Variants in ZCCHC2 observed in about 807,000 individuals in gnomAD.
ZCCHC2 encodes zinc finger CCHC domain-containing protein 2.
Under a neutral mutation model 103.6 loss-of-function variants are expected in ZCCHC2, and 39 were observed. The observed-to-expected ratio is 0.38, with a 90% CI of 0.29 to 0.49. The LOEUF (loss-of-function observed/expected upper bound fraction) is 0.49. ZCCHC2 is among the 20% of genes least tolerant of loss of function. The probability of loss-of-function intolerance (pLI) is 0.96; values close to 1 mark genes in which losing one functional copy is unlikely to be tolerated. For missense variants in ZCCHC2, 1,483 were observed against 1,491.0 expected (o/e 0.99, Z 0.09); for synonymous variants, 687 against 608.9 (o/e 1.13, Z -1.89).
At position 62,523,394 on chromosome 18, in the gene ZCCHC2, C is replaced by CCCCCA; in HGVS notation, c.-31_-30insCCCCA. On this transcript the variant is annotated 5_prime_UTR_variant, in exon 1 of 14. Transcript: ENST00000269499. The stretch of plus-strand genomic sequence containing the variant: ...CCTCGCGGCCCCTCCCGCCCGCCCC[C>CCCCCA]GCTCGCATGTCTGCGCCGCCCTAGC... 1 of 1,029,698 alleles carries CCCCCA rather than the reference C, an allele frequency of 9.7e-7. No homozygotes were observed. The allele number at this position is 1,029,698 out of a possible 1,614,324, so 63.8% of individuals were successfully genotyped here.
At chr18:62,550,238 G>T in intron 4 of ZCCHC2, 110 bp from the exon 5 acceptor site, 1 of 802,052 alleles carries the variant, frequency 1.2e-6, no homozygotes, top group Non-Finnish European at 2.0e-6. Context: ...ACTGCTTTTG[G>T]GAAAATAATG....
intron 4 of ZCCHC2, among the ~76,000 whole-genome samples, chr18:62,548,830 C>G (rs1467256840): frequency 6.6e-6 from 1 of 152,124 alleles, no homozygotes; most frequent in Non-Finnish European, 1.5e-5. Flanking sequence ...GAGGCCAAGG[C>G]AGGAGAATCC....
In ZCCHC2 at chr18:62,578,112, T is replaced by A. The variant is rs1916929365; in HGVS notation, c.*1533T>A. 1 of 152,604 alleles carries A rather than the reference T, an allele frequency of 6.6e-6. No homozygotes were observed. Among genetic ancestry groups the A allele is most frequent in the Non-Finnish European group, 1.5e-5 (1 of 68,026 alleles). The allele number at this position is 152,604 out of a possible 1,614,324, so 9.5% of individuals were successfully genotyped here. A position where few individuals can be genotyped will look rare whatever the true frequency, so the allele number is the denominator to read the frequency against. On this transcript the variant is annotated 3_prime_UTR_variant, in exon 14 of 14. Coordinates refer to ENST00000269499, the MANE Select transcript of ZCCHC2 (RefSeq NM_017742.6). ...TTAATTTCATGCTTCATAAGTAGCATTTATATTTATAGCACCAATGTACAT... is the reference window on the plus strand; with the variant it reads ...TTAATTTCATGCTTCATAAGTAGCAATTATATTTATAGCACCAATGTACAT...
intron 1 of ZCCHC2, chr18:62,526,414 C>T (rs981526201): frequency 2.0e-5 from 3 of 152,302 alleles, no homozygotes; most frequent in Admixed American, 6.5e-5. Context: ...CGTAACACAT[C>T]ATTCACATCT....
At position 62,575,331 on chromosome 18, in the gene ZCCHC2, C is replaced by T. The variant is rs1301708403; in HGVS notation, c.3250C>T (p.Leu1084=). ...FLPQTPYANG[L]VHDPVMGSQA... ...GCCTCAGACTCCATATGCAAATGGA[C>T]TGGTACATGACCCAGTCATGGGGAG... The change falls in exon 13 of 14, where the codon CTG becomes TTG. Residue 1084 remains leucine, a synonymous_variant. Coordinates refer to ENST00000269499, the MANE Select transcript of ZCCHC2 (RefSeq NM_017742.6). 4.3e-6 allele frequency: 7 copies of T among 1,613,922 alleles called. No individual in the cohort carries two copies. The East Asian group carries it at 1.3e-4, about 31-fold the overall frequency.
chr18:62,562,866 C>CTTTTTT, intron 8 of ZCCHC2, 143 bp from the exon 9 acceptor site: 3 of 859,260 alleles, frequency 3.5e-6, no homozygotes, highest in Non-Finnish European at 5.3e-6. Flanking sequence ...TCATAGTATA[C>CTTTTTT]TTTTTTTTCT....
intron 1 of ZCCHC2, among the ~76,000 whole-genome samples, chr18:62,534,205 A>G (rs1381844963): frequency 2.0e-5 from 3 of 152,026 alleles, no homozygotes; most frequent in African/African-American, 4.8e-5. Flanking sequence ...TAGCTACTCA[A>G]GAGACGGAGG....
chr18:62,526,838 C>CCGGCGCGCCGG (rs1384635909), intron 1 of ZCCHC2: 1 of 151,746 alleles, frequency 6.6e-6, no homozygotes, highest in African/African-American at 2.4e-5. Context: ...TCCCACGTGA[C>CCGGCGCGCCGG]CGGCGCGCCG....
intron 2 of ZCCHC2, among the ~76,000 whole-genome samples, chr18:62,540,548 C>T (rs1270593224): frequency 6.6e-6 from 1 of 151,544 alleles, no homozygotes; most frequent in East Asian, 1.9e-4. Context: ...ATAATGACCA[C>T]TTCTATTCAA....
intron 12 of ZCCHC2, among the ~76,000 whole-genome samples, chr18:62,573,798 A>T (rs146922011): frequency 6.6e-6 from 1 of 152,176 alleles, no homozygotes; most frequent in African/African-American, 2.4e-5. Flanking sequence ...TTTGTTTTAT[A>T]CTATGTTTCA....
Position 62,576,545 on chromosome 18 carries a change from C to T in ZCCHC2, c.3503C>T (p.Pro1168Leu), listed in dbSNP as rs765195150. The T allele has an allele frequency of 6.2e-7, 1 of 1,613,840 alleles. No individual in the cohort carries two copies. The highest frequency in any genetic ancestry group is 8.5e-7 in the Non-Finnish European group (1 of 1,179,792). The change falls in exon 14 of 14, where the codon CCC becomes CTC. Residue 1168 changes from proline (P) to leucine (L), a missense_variant. Pro to Leu is a moderately conservative substitution (Grantham distance 98, BLOSUM62 -3). Coordinates refer to ENST00000269499, the MANE Select transcript of ZCCHC2 (RefSeq NM_017742.6). ...AGACTGAGATACGCACCTCCCCTCC[C>T]CCCTTCTAATGATACGTTGGATTCT... Reference protein sequence around the residue: ...TYRLRYAPPLPPSNDTLDSAD With the variant: ...TYRLRYAPPLLPSNDTLDSAD
intron 3 of ZCCHC2, among the ~76,000 whole-genome samples, chr18:62,543,891 C>G (rs1915305407): frequency 6.6e-6 from 1 of 152,170 alleles, no homozygotes; most frequent in Non-Finnish European, 1.5e-5. Context: ...GTGCCCAACA[C>G]AAGTAGCTGC....
chr18:62,535,900 T>C (rs910252818), intron 1 of ZCCHC2, among the ~76,000 whole-genome samples: 1 of 152,214 alleles, frequency 6.6e-6, no homozygotes, highest in Admixed American at 6.5e-5. Flanking sequence ...TCAGAAGAAG[T>C]TAGTGACTTT....
At chr18:62,549,003 AG>A (rs1160946313) in intron 4 of ZCCHC2, among the ~76,000 whole-genome samples, 1 of 151,488 alleles carries the variant, frequency 6.6e-6, no homozygotes, top group African/African-American at 2.4e-5. Flanking sequence ...GTGGATCACG[AG>A]GTCAGGAGAT....
chr18:62,537,424 G>C (rs1181218297), intron 1 of ZCCHC2, among the ~76,000 whole-genome samples: 1 of 152,104 alleles, frequency 6.6e-6, no homozygotes, highest in Non-Finnish European at 1.5e-5. Context: ...TCCCACCTTG[G>C]CCTCCCAAAG....
Position 62,525,569 on chromosome 18 carries a change from A to G in ZCCHC2, c.939+1206A>G, listed in dbSNP as rs1347776320. 5 of 152,226 alleles carry G rather than the reference A, an allele frequency of 3.3e-5. 1 individual carries two copies. Among genetic ancestry groups the G allele is most frequent in the Admixed American group, 2.6e-4 (4 of 15,280 alleles). 9.4% of individuals were successfully genotyped at this position (152,226 alleles called of 1,614,324 possible). On this transcript the variant is annotated intron_variant, in intron 1 of 13. Transcript: ENST00000269499. ...CTAAAATTGGGCATGGTATTTCACTAGTGGCTTTGTGGACTCAGTACCCGT... is the reference window on the plus strand; with the variant it reads ...CTAAAATTGGGCATGGTATTTCACTGGTGGCTTTGTGGACTCAGTACCCGT...
chr18:62,540,935 C>T (rs577270541), intron 2 of ZCCHC2, among the ~76,000 whole-genome samples: 1 of 152,142 alleles, frequency 6.6e-6, no homozygotes, highest in Admixed American at 6.5e-5. Flanking sequence ...GCTGTGTTCC[C>T]ATGTCCTGTA....
At chr18:62,527,606 C>T (rs1914491710) in intron 1 of ZCCHC2, among the ~76,000 whole-genome samples, 1 of 152,148 alleles carries the variant, frequency 6.6e-6, no homozygotes, top group African/African-American at 2.4e-5. Context: ...ATAAATCTCA[C>T]ATTCCTCACA....
chr18:62,555,808 CAAA>C (rs71160849), intron 5 of ZCCHC2, among the ~76,000 whole-genome samples: 1 of 136,310 alleles, frequency 7.3e-6, no homozygotes, highest in African/African-American at 2.8e-5. Flanking sequence ...AATTCAGTCT[CAAA>C]AAAAAAAAAA....
Sources: allele counts gnomAD v4.1 joint callset (sites outside exome capture counted in the v4.1 genomes callset), GRCh38; gene constraint gnomAD v4.1.1; transcripts MANE v1.5; gene names NCBI Gene and HGNC (gene_info 2026-07-23, HGNC 2026-07-21).